Variants in TEKT4 observed in about 807,000 individuals in gnomAD.
TEKT4 encodes tektin 4, also known as tektin-4.
In TEKT4, 46 loss-of-function variants were observed where a neutral mutation model predicts 46.0. That is an observed-to-expected ratio of 1.00 (90% CI 0.79 to 1.28). TEKT4 has a LOEUF of 1.28. Ranked by LOEUF, TEKT4 falls within the 50% of genes most tolerant of loss-of-function variation. The probability of loss-of-function intolerance (pLI) is 0.00; values close to 1 mark genes in which losing one functional copy is unlikely to be tolerated. For synonymous variants in TEKT4, 325 were observed against 265.8 expected, an observed-to-expected ratio of 1.22 and a Z score of -2.17; for missense variants, 790 against 622.9, an observed-to-expected ratio of 1.27 and a Z score of -2.85.
At chr2:94,872,908 AGACACT>A in intron 1 of TEKT4, 1 of 1,289,424 alleles carries the variant, frequency 7.8e-7, no homozygotes, top group Non-Finnish European at 1.0e-6. Flanking sequence ...CAACTGATGG[AGACACT>A]GACAGTGCAC....
At chr2:94,873,752 G>T (rs1553395438) in intron 2 of TEKT4, among the ~76,000 whole-genome samples, 162 bp downstream of exon 2, 1 of 152,196 alleles carries the variant, frequency 6.6e-6, no homozygotes, top group East Asian at 1.9e-4. Flanking sequence ...CGCAGCCTGA[G>T]GTTGAGTGGC....
chr2:94,875,773 G>T (rs1553396353), intron 5 of TEKT4, 31 bp downstream of exon 5: 2 of 1,606,198 alleles, frequency 1.2e-6, no homozygotes, highest in Non-Finnish European at 1.7e-6. Flanking sequence ...GCAGTCCCAG[G>T]TGGCCCTGTC....
rs1553395872 is a variant in TEKT4, at chr2:94,874,863, G to C, written c.801G>C (p.Arg267=). The part of the protein sequence containing the change: ...QRERLASANL[R]VLVDCILRDT... ...AGCGCCTGGCCTCGGCCAACCTGCG[G>C]GTGCTGGTGGACTGCATCCTTCGCG... The change falls in exon 4 of 6, where the codon CGG becomes CGC. Residue 267 remains arginine (R), a synonymous_variant. Coordinates refer to ENST00000295201, the MANE Select transcript of TEKT4 (RefSeq NM_144705.4). The C allele has an allele frequency of 6.2e-7, 1 of 1,609,134 alleles. No homozygotes were observed. Among genetic ancestry groups the C allele is most frequent in the East Asian group, 2.2e-5 (1 of 44,682 alleles).
chr2:94,874,689 G>A (rs1391234263), intron 3 of TEKT4, 87 bp from the exon 4 acceptor site: 5 of 1,211,614 alleles, frequency 4.1e-6, no homozygotes, highest in Non-Finnish European at 5.6e-6. Context: ...GGAGCATGGG[G>A]CGCGGACAGG....
intron 5 of TEKT4, 94 bp downstream of exon 5, chr2:94,875,836 A>G: frequency 3.1e-6 from 4 of 1,295,452 alleles, no homozygotes; most frequent in African/African-American, 2.9e-5. Context: ...CCGCACACAC[A>G]TCCCCCGCAG....
In TEKT4 at chr2:94,876,738, C is replaced by T; in HGVS notation, c.1277C>T (p.Pro426Leu). 2.5e-6 allele frequency: 4 copies of T among 1,609,616 alleles called. No homozygotes were observed. The highest frequency in any genetic ancestry group is 3.4e-6 in the Non-Finnish European group (4 of 1,179,966). ...TGCATGGCCCATCGTACTCGCTACCCCACCATCCTGCAGCTGGCTGGCTAC... is the reference window on the plus strand; with the variant it reads ...TGCATGGCCCATCGTACTCGCTACCTCACCATCCTGCAGCTGGCTGGCTAC... Reference protein sequence around the residue: ...QKCMAHRTRYPTILQLAGYQ With the variant: ...QKCMAHRTRYLTILQLAGYQ Residue 426 changes from proline to leucine, a missense_variant, in exon 6 of 6, where the codon CCC becomes CTC. Coordinates refer to ENST00000295201, the MANE Select transcript of TEKT4 (RefSeq NM_144705.4).
chr2:94,876,446 C>T (rs1573192016), intron 5 of TEKT4, 107 bp from the exon 6 acceptor site: 1 of 935,744 alleles, frequency 1.1e-6, no homozygotes, highest in South Asian at 1.6e-5. Context: ...GGAGTCTTCC[C>T]AGGACCTCCT....
intron 1 of TEKT4, chr2:94,872,462 C>T (rs1680621120): frequency 2.1e-5 from 7 of 340,496 alleles, no homozygotes; most frequent in African/African-American, 8.3e-5. Context: ...GTGGGGTGGG[C>T]TGGGAGCCAC....
At chr2:94,875,771 A>C (rs1553396349) in intron 5 of TEKT4, 29 bp downstream of exon 5, 1 of 1,606,760 alleles carries the variant, frequency 6.2e-7, no homozygotes, top group Non-Finnish European at 8.5e-7. Context: ...AGGCAGTCCC[A>C]GGTGGCCCTG....
Position 94,871,962 on chromosome 2 carries a change from G to A in TEKT4, c.383G>A (p.Arg128His), listed in dbSNP as rs781799565. 9.4e-6 allele frequency: 15 copies of A among 1,601,392 alleles called. No homozygotes were observed. Among genetic ancestry groups the A allele is most frequent in the Middle Eastern group, 1.7e-4 (1 of 6,050 alleles). The change falls in exon 1 of 6, where the codon CGC (arginine) becomes CAC (histidine). Residue 128 changes from arginine (R) to histidine (H), a missense_variant. Physicochemically the swap from Arg to His is conservative, Grantham distance 29. Transcript: ENST00000295201. ...CTGGCCCAGAAGCAACGGCTGGAGC[G>A]CGCCCTGGACGCCACAGAGGTGCCC... is the stretch of plus-strand genomic sequence containing the variant. Reference protein sequence around the residue: ...LLLAQKQRLERALDATEVPFS... With the variant: ...LLLAQKQRLEHALDATEVPFS...
intron 5 of TEKT4, among the ~76,000 whole-genome samples, chr2:94,876,160 G>A (rs781805571): frequency 2.6e-5 from 4 of 152,204 alleles, no homozygotes; most frequent in South Asian, 4.1e-4. Context: ...TAGATGTGCC[G>A]TCCTTTTGTT....
chr2:94,876,212 T>C (rs1680846087), intron 5 of TEKT4, among the ~76,000 whole-genome samples: 1 of 152,164 alleles, frequency 6.6e-6, no homozygotes, highest in South Asian at 2.1e-4. Flanking sequence ...CTAAGTACCT[T>C]TCTTCTTTCC....
chr2:94,873,732 G>A (rs1680688093), intron 2 of TEKT4, 142 bp downstream of exon 2: 2 of 1,294,254 alleles, frequency 1.5e-6, no homozygotes, highest in Non-Finnish European at 1.1e-6. Context: ...CTGGGTGGGG[G>A]AGGTTCCGGC....
chr2:94,875,894 A>G (rs1330347726), intron 5 of TEKT4, 152 bp downstream of exon 5: 2 of 796,720 alleles, frequency 2.5e-6, no homozygotes, highest in Non-Finnish European at 4.0e-6. Flanking sequence ...ACAAGCAGGC[A>G]TGCCTTAAAC....
chr2:94,875,861 G>C (rs1680826542), intron 5 of TEKT4, 119 bp downstream of exon 5: 1 of 1,006,454 alleles, frequency 9.9e-7, no homozygotes, highest in Admixed American at 2.4e-5. Context: ...TGAGAGGGGA[G>C]GGAGACTTTG....
chr2:94,875,138 G>A, intron 4 of TEKT4, 140 bp downstream of exon 4: 1 of 931,982 alleles, frequency 1.1e-6, no homozygotes, highest in South Asian at 1.7e-5. Context: ...AAAACCAGGT[G>A]ACACTGGGTA....
At position 94,872,072 on chromosome 2, in the gene TEKT4, C is replaced by CT. The variant is rs1454874658; in HGVS notation, c.494dup (p.Lys166GlufsTer132). ...GCGCGACCATGTGGAAACGGAGCTG[C>CT]TGAAGGTGCCAGCACCCTTGGGTGG... On this transcript the variant is annotated frameshift_variant, in exon 1 of 6. Coordinates refer to ENST00000295201, the MANE Select transcript of TEKT4 (RefSeq NM_144705.4). LOFTEE classifies it high-confidence loss of function. The CT allele has an allele frequency of 1.3e-6, 2 of 1,541,028 alleles. No homozygotes were observed. Among genetic ancestry groups the CT allele is most frequent in the Non-Finnish European group, 1.7e-6 (2 of 1,143,704 alleles).
chr2:94,873,631 C>T, intron 2 of TEKT4, 41 bp downstream of exon 2: 1 of 1,611,580 alleles, frequency 6.2e-7, no homozygotes, highest in South Asian at 1.1e-5. Context: ...CTGACCCTAC[C>T]CACAGCTGGT....
At position 94,871,634 on chromosome 2, in the gene TEKT4, C is replaced by T. The variant is rs76746144; in HGVS notation, c.55C>T (p.Arg19Cys). The change falls in exon 1 of 6, where the codon CGT (arginine) becomes TGT (cysteine). Residue 19 changes from arginine (R) to cysteine (C), a missense_variant. Coordinates refer to ENST00000295201, the MANE Select transcript of TEKT4 (RefSeq NM_144705.4). ...ELPCKEYDVARNTGAYTSSGL... is the reference protein window; with the variant it reads ...ELPCKEYDVACNTGAYTSSGL... ...GCCCTGCAAAGAGTACGACGTGGCCCGTAACACGGGCGCCTACACGTCCTC... is the reference window on the plus strand; with the variant it reads ...GCCCTGCAAAGAGTACGACGTGGCCTGTAACACGGGCGCCTACACGTCCTC... 25 of 1,612,284 alleles carry T rather than the reference C, an allele frequency of 1.6e-5. No homozygotes were observed. Among genetic ancestry groups the T allele is most frequent in the Non-Finnish European group, 1.9e-5 (23 of 1,179,874 alleles).
Sources: gnomAD v4.1 joint callset for allele counts (sites outside exome capture counted in the v4.1 genomes callset) on GRCh38, gnomAD v4.1.1 for gene constraint, MANE v1.5 for transcripts, NCBI Gene and HGNC (gene_info 2026-07-23, HGNC 2026-07-21) for gene names.